Variants in EGFLAM observed in about 807,000 individuals in gnomAD.
EGFLAM encodes pikachurin.
EGFLAM carries 79 observed loss-of-function variants against 113.1 expected under a neutral mutation model. The ratio of observed to expected loss-of-function variants is 0.70; its 90% CI spans 0.58 to 0.84. EGFLAM has a LOEUF of 0.84. EGFLAM is among the 40% of genes least tolerant of loss of function. The pLI is 0.00. For synonymous variants in EGFLAM, 504 were observed against 487.6 expected (o/e 1.03, Z -0.44); for missense variants, 1,265 against 1,291.6 (o/e 0.98, Z 0.32).
At chr5:38,279,675 A>G (rs1757968876) in intron 1 of EGFLAM, among the ~76,000 whole-genome samples, 1 of 152,182 alleles carries the variant, frequency 6.6e-6, no homozygotes, top group Non-Finnish European at 1.5e-5. Context: ...AGTTGATCTC[A>G]TAGCACTAGA....
intron 1 of EGFLAM, among the ~76,000 whole-genome samples, chr5:38,296,719 TTACA>T (rs1363288075): frequency 6.6e-6 from 1 of 151,438 alleles, no homozygotes; most frequent in African/African-American, 2.4e-5. Context: ...ATATGCATTT[TTACA>T]TACATATGTA....
At chr5:38,396,559 T>C (rs2112100361) in intron 6 of EGFLAM, among the ~76,000 whole-genome samples, 1 of 152,384 alleles carries the variant, frequency 6.6e-6, no homozygotes, top group East Asian at 1.9e-4. Flanking sequence ...AAATACGTAT[T>C]GGGTGCCTGC....
intron 1 of EGFLAM, among the ~76,000 whole-genome samples, chr5:38,293,434 T>C (rs1314360239): frequency 6.6e-6 from 1 of 152,246 alleles, no homozygotes; most frequent in African/African-American, 2.4e-5. Context: ...TTTAAAACAA[T>C]GATCAATGCT....
intron 1 of EGFLAM, among the ~76,000 whole-genome samples, chr5:38,336,131 G>A (rs968645602): frequency 6.6e-6 from 1 of 151,980 alleles, no homozygotes; most frequent in African/African-American, 2.4e-5. Flanking sequence ...TGTGTTATAT[G>A]GAAAAATTTA....
chr5:38,357,051 A>G (rs1285309988), intron 5 of EGFLAM, among the ~76,000 whole-genome samples: 1 of 152,224 alleles, frequency 6.6e-6, no homozygotes, highest in Non-Finnish European at 1.5e-5. Context: ...GAACACAGTG[A>G]TAAGATGCCA....
intron 1 of EGFLAM, among the ~76,000 whole-genome samples, chr5:38,281,011 C>G (rs1384896185): frequency 6.6e-6 from 1 of 152,120 alleles, no homozygotes; most frequent in Non-Finnish European, 1.5e-5. Flanking sequence ...AATCTGACCA[C>G]TTGGATAAGG....
At chr5:38,432,654 T>C (rs1742224122) in intron 15 of EGFLAM, among the ~76,000 whole-genome samples, 1 of 152,354 alleles carries the variant, frequency 6.6e-6, no homozygotes, top group Admixed American at 6.5e-5. Context: ...GTCTGTTGGC[T>C]TAATGATATA....
intron 2 of EGFLAM, among the ~76,000 whole-genome samples, chr5:38,338,347 T>C (rs1739239825): frequency 1.3e-5 from 2 of 152,188 alleles, no homozygotes; most frequent in Non-Finnish European, 2.9e-5. Flanking sequence ...CTCATCCTAT[T>C]GTTTTCTGAA....
intron 16 of EGFLAM, among the ~76,000 whole-genome samples, 150 bp from the exon 17 acceptor site, chr5:38,438,122 CAAA>C (rs376621912): frequency 1.4e-4 from 14 of 97,380 alleles, no homozygotes; most frequent in African/African-American, 2.6e-4. Context: ...ACTCCATCTC[CAAA>C]AAAAAAAAAA....
intron 1 of EGFLAM, among the ~76,000 whole-genome samples, chr5:38,321,768 G>A (rs560204621): frequency 3.8e-4 from 58 of 152,250 alleles, no homozygotes; most frequent in Non-Finnish European, 7.4e-4. Context: ...TTACAACCCA[G>A]CTGAGCCCAG....
chr5:38,294,268 A>G (rs1383747649), intron 1 of EGFLAM, among the ~76,000 whole-genome samples: 1 of 152,216 alleles, frequency 6.6e-6, no homozygotes, highest in African/African-American at 2.4e-5. Context: ...AGGGAAGCCC[A>G]AGTGTGCAAG....
At chr5:38,311,187 C>G (rs1738432568) in intron 1 of EGFLAM, among the ~76,000 whole-genome samples, 1 of 152,144 alleles carries the variant, frequency 6.6e-6, no homozygotes, top group Non-Finnish European at 1.5e-5. Context: ...TATCAACACA[C>G]ATACTTATCA....
At chr5:38,318,387 T>C (rs146574725) in intron 1 of EGFLAM, among the ~76,000 whole-genome samples, 4,248 of 151,314 alleles carry the variant, frequency 0.028, 86 homozygotes, top group Non-Finnish European at 0.043. Context: ...TGTAGTTATA[T>C]ACTATATATA....
intron 8 of EGFLAM, among the ~76,000 whole-genome samples, chr5:38,407,411 G>A (rs1165740333): frequency 6.6e-6 from 1 of 152,210 alleles, no homozygotes; most frequent in Non-Finnish European, 1.5e-5. Flanking sequence ...TACTATCTTA[G>A]AGAGGTAGGT....
At chr5:38,304,234 G>C (rs982443893) in intron 1 of EGFLAM, among the ~76,000 whole-genome samples, 2 of 152,056 alleles carry the variant, frequency 1.3e-5, no homozygotes, top group African/African-American at 4.8e-5. Flanking sequence ...CTCAGAGTTT[G>C]GTACCAAGTA....
chr5:38,328,195 T>C (rs1738938045), intron 1 of EGFLAM, among the ~76,000 whole-genome samples: 1 of 152,134 alleles, frequency 6.6e-6, no homozygotes, highest in East Asian at 1.9e-4. Flanking sequence ...GCAGGCAATG[T>C]CTTACGTGGC....
chr5:38,397,493 A>G (rs1003263123), intron 6 of EGFLAM, among the ~76,000 whole-genome samples: 1 of 152,052 alleles, frequency 6.6e-6, no homozygotes, highest in African/African-American at 2.4e-5. Flanking sequence ...AAGTGTTGCT[A>G]TGTTGCCCAG....
chr5:38,303,648 A>C (rs1758651234), intron 1 of EGFLAM, among the ~76,000 whole-genome samples: 1 of 152,176 alleles, frequency 6.6e-6, no homozygotes, highest in Non-Finnish European at 1.5e-5. Context: ...GTATATGTCA[A>C]AAATATTTTT....
intron 1 of EGFLAM, among the ~76,000 whole-genome samples, chr5:38,333,850 G>T (rs1242913578): frequency 6.7e-6 from 1 of 148,686 alleles, no homozygotes; most frequent in Non-Finnish European, 1.5e-5. Context: ...ATTGCTTTTG[G>T]TGTCTTTGTC....
Sources: gnomAD v4.1 joint callset for allele counts (sites outside exome capture counted in the v4.1 genomes callset) on GRCh38, gnomAD v4.1.1 for gene constraint, MANE v1.5 for transcripts, NCBI Gene and HGNC (gene_info 2026-07-23, HGNC 2026-07-21) for gene names.